Variants in CDH13 observed in about 807,000 individuals in gnomAD.
The protein encoded by CDH13 is cadherin-13.
In CDH13, 24 loss-of-function variants were observed where a neutral mutation model predicts 63.8. That is an observed-to-expected ratio of 0.38 (90% CI 0.27 to 0.53). The LOEUF (loss-of-function observed/expected upper bound fraction) is 0.53. Among genes scored for constraint, CDH13 ranks in the 20% least tolerant of loss-of-function variants. CDH13 has a pLI of 0.85. For synonymous variants in CDH13, 503 were observed against 355.3 expected (o/e 1.42, Z -4.67); for missense variants, 1,049 against 903.1 (o/e 1.16, Z -2.07).
chr16:82,889,242 A>G (rs529331952), intron 2 of CDH13, among the ~76,000 whole-genome samples: 2 of 152,266 alleles, frequency 1.3e-5, no homozygotes, highest in South Asian at 2.1e-4. Context: ...TGGTTTTTAC[A>G]TGAAGTTAAC....
At chr16:82,862,166 C>G (rs1261960025) in intron 2 of CDH13, among the ~76,000 whole-genome samples, 1 of 152,162 alleles carries the variant, frequency 6.6e-6, no homozygotes, top group Admixed American at 6.5e-5. Context: ...TTTCCCCAAA[C>G]ACGACAATTG....
At chr16:83,222,798 C>T (rs2039734900) in intron 5 of CDH13, among the ~76,000 whole-genome samples, 1 of 152,158 alleles carries the variant, frequency 6.6e-6, no homozygotes, top group Non-Finnish European at 1.5e-5. Context: ...TGCCAAGTAA[C>T]CTAGCTGACA....
chr16:83,110,960 G>C (rs1230165213), intron 3 of CDH13, among the ~76,000 whole-genome samples: 2 of 140,560 alleles, frequency 1.4e-5, no homozygotes, highest in Non-Finnish European at 3.0e-5. Flanking sequence ...AATATCTGTT[G>C]GCTGGATAAA....
At chr16:82,937,152 T>C (rs561986633) in intron 2 of CDH13, among the ~76,000 whole-genome samples, 22 of 152,328 alleles carry the variant, frequency 1.4e-4, no homozygotes, top group African/African-American at 5.3e-4. Context: ...TCCCTCTTGA[T>C]AGGGTGGTCA....
chr16:82,959,287 G>A (rs534505777), intron 2 of CDH13, among the ~76,000 whole-genome samples: 20 of 152,198 alleles, frequency 1.3e-4, no homozygotes, highest in Non-Finnish European at 2.6e-4. Flanking sequence ...TATAATTAAA[G>A]GACATTCATT....
At chr16:82,752,574 A>G (rs942208228) in intron 1 of CDH13, among the ~76,000 whole-genome samples, 3 of 152,242 alleles carry the variant, frequency 2.0e-5, no homozygotes, top group African/African-American at 4.8e-5. Flanking sequence ...AAAATGTCCA[A>G]TTCTCAGTTG....
In CDH13 at chr16:83,488,749, T is replaced by G. The variant is rs571385398; in HGVS notation, c.960+2094T>G. Among the ~76,000 whole-genome samples the G allele has an allele frequency of 1.3e-3, 194 of 152,206 alleles. 2 individuals carry two copies. Among genetic ancestry groups the G allele is most frequent in the Non-Finnish European group, 2.4e-3 (166 of 67,992 alleles). On this transcript the variant is annotated intron_variant, in intron 7 of 13. Coordinates refer to ENST00000567109, the MANE Select transcript of CDH13 (RefSeq NM_001257.5). Reference sequence around the variant, plus strand: ...AAGCAATTCTCCTGTCTCAGCCTCCTGAGTAGCTGGGAATACAGGCGCCTG... The same window carrying G: ...AAGCAATTCTCCTGTCTCAGCCTCCGGAGTAGCTGGGAATACAGGCGCCTG...
intron 6 of CDH13, among the ~76,000 whole-genome samples, chr16:83,402,094 A>C (rs1228483411): frequency 6.6e-6 from 1 of 152,148 alleles, no homozygotes; most frequent in Non-Finnish European, 1.5e-5. Flanking sequence ...TAGAGGTCAG[A>C]TCTGGAGGGA....
At chr16:82,840,214 C>G (rs980816512) in intron 1 of CDH13, among the ~76,000 whole-genome samples, 1 of 151,896 alleles carries the variant, frequency 6.6e-6, no homozygotes, top group African/African-American at 2.4e-5. Context: ...TAGTGGCAAG[C>G]AGGTTTAGCA....
chr16:82,724,639 C>T (rs989409355), intron 1 of CDH13, among the ~76,000 whole-genome samples: 5 of 152,076 alleles, frequency 3.3e-5, no homozygotes, highest in African/African-American at 9.7e-5. Flanking sequence ...TATGTGTGTG[C>T]ACATGTGTGA....
intron 6 of CDH13, among the ~76,000 whole-genome samples, chr16:83,403,793 A>G (rs2092003681): frequency 6.6e-6 from 1 of 152,162 alleles, no homozygotes; most frequent in Non-Finnish European, 1.5e-5. Flanking sequence ...TGGAATCCAT[A>G]GAGAATATTC....
chr16:83,597,646 C>T (rs749735282), intron 7 of CDH13, among the ~76,000 whole-genome samples: 7 of 152,120 alleles, frequency 4.6e-5, no homozygotes, highest in Non-Finnish European at 8.8e-5. Flanking sequence ...TAAGGTCAGC[C>T]TTAAGTTTGC....
chr16:83,337,314 A>T (rs2151908477), intron 5 of CDH13, among the ~76,000 whole-genome samples: 1 of 152,242 alleles, frequency 6.6e-6, no homozygotes, highest in South Asian at 2.1e-4. Flanking sequence ...CCCTAAACTC[A>T]AGGCTGAAAC....
intron 4 of CDH13, among the ~76,000 whole-genome samples, chr16:83,201,993 T>C (rs2039046333): frequency 1.3e-5 from 2 of 152,210 alleles, no homozygotes; most frequent in South Asian, 4.1e-4. Context: ...TGTTTGAGCC[T>C]GCATGGGATT....
intron 6 of CDH13, among the ~76,000 whole-genome samples, chr16:83,417,690 C>T (rs1034426156): frequency 6.6e-6 from 1 of 152,178 alleles, no homozygotes; most frequent in Non-Finnish European, 1.5e-5. Context: ...TGATTTAGAA[C>T]AGAGGCTCCT....
chr16:83,017,972 A>C (rs551107648), intron 2 of CDH13, among the ~76,000 whole-genome samples: 42 of 152,354 alleles, frequency 2.8e-4, no homozygotes, highest in African/African-American at 9.9e-4. Flanking sequence ...AAGCCCAGCA[A>C]AACACAGTTT....
intron 2 of CDH13, among the ~76,000 whole-genome samples, chr16:82,941,272 A>C (rs777850317): frequency 2.6e-5 from 4 of 152,218 alleles, no homozygotes; most frequent in Non-Finnish European, 5.9e-5. Context: ...GAGAGCAATG[A>C]AAATATGTTA....
intron 1 of CDH13, among the ~76,000 whole-genome samples, chr16:82,810,453 A>G (rs1748513371): frequency 6.6e-6 from 1 of 152,168 alleles, no homozygotes; most frequent in African/African-American, 2.4e-5. Context: ...AATAATTCTC[A>G]TTTTGAGAGG....
chr16:83,098,708 A>T (rs1472939856), intron 3 of CDH13, among the ~76,000 whole-genome samples: 3 of 152,174 alleles, frequency 2.0e-5, no homozygotes, highest in Non-Finnish European at 4.4e-5. Context: ...ATTGTTGCTA[A>T]CAAGACATCT....
Sources: gnomAD v4.1 joint callset for allele counts (sites outside exome capture counted in the v4.1 genomes callset) on GRCh38, gnomAD v4.1.1 for gene constraint, MANE v1.5 for transcripts, NCBI Gene and HGNC (gene_info 2026-07-23, HGNC 2026-07-21) for gene names.